XRRA1: variants seen among roughly 807,000 people sequenced by gnomAD.
XRRA1 encodes the protein X-ray radiation resistance-associated protein 1.
A neutral mutation model predicts 80.2 loss-of-function variants in XRRA1; 69 were observed. That is an observed-to-expected ratio of 0.86 (90% CI 0.71 to 1.05). XRRA1 has a LOEUF of 1.05. Among genes scored for constraint, XRRA1 ranks in the 50% least tolerant of loss-of-function variants. The probability of loss-of-function intolerance (pLI) is 0.00; values close to 1 mark genes in which losing one functional copy is unlikely to be tolerated. For missense variants in XRRA1, 967 were observed against 976.4 expected (o/e 0.99, Z 0.13); for synonymous variants, 348 against 389.9 (o/e 0.89, Z 1.27).
intron 1 of XRRA1, 40 bp downstream of exon 1, chr11:74,948,888 G>A (rs2119028): frequency 0.25 from 44,269 of 176,570 alleles, 6,692 homozygotes; most frequent in East Asian, 0.53. Context: ...CACCTGGGCC[G>A]GAGAAAGACT....
Position 74,938,974 on chromosome 11 carries a change from C to T in XRRA1, c.94+1811G>A, listed in dbSNP as rs527873961. The stretch of plus-strand genomic sequence containing the variant: ...TGCAACATCCTATAATGGTTCTTAC[C>T]TACAAAAATTATTACTGTAGTGTTT... On this transcript the variant is annotated intron_variant, in intron 3 of 18. Coordinates refer to ENST00000684022, the MANE Select transcript of XRRA1 (RefSeq NM_001378157.1). Among the ~76,000 whole-genome samples the T allele has an allele frequency of 3.9e-5, 6 of 152,300 alleles. No homozygotes were observed. The South Asian group carries it at 1.2e-3, about 32-fold the overall frequency.
chr11:74,884,997 C>A (rs1177063635), intron 10 of XRRA1, among the ~76,000 whole-genome samples: 1 of 152,176 alleles, frequency 6.6e-6, no homozygotes, highest in African/African-American at 2.4e-5. Flanking sequence ...GATATGGTGG[C>A]TAATGCCTGT....
intron 15 of XRRA1, among the ~76,000 whole-genome samples, chr11:74,846,497 A>G (rs952836409): frequency 5.9e-5 from 9 of 152,224 alleles, no homozygotes; most frequent in African/African-American, 2.2e-4. Context: ...GAAAAATACA[A>G]AGCAGTATCA....
chr11:74,913,237 A>G (rs75293274), intron 8 of XRRA1, among the ~76,000 whole-genome samples: 14,674 of 152,254 alleles, frequency 0.096, 959 homozygotes, highest in Non-Finnish European at 0.13. Flanking sequence ...AGTAAACCAA[A>G]AACAATACTG....
chr11:74,921,838 C>T (rs112864138), intron 7 of XRRA1, among the ~76,000 whole-genome samples: 40 of 152,292 alleles, frequency 2.6e-4, no homozygotes, highest in African/African-American at 9.4e-4. Flanking sequence ...CAGTGCTTGG[C>T]ACACAGTGGT....
intron 10 of XRRA1, among the ~76,000 whole-genome samples, chr11:74,878,630 T>C (rs1195923772): frequency 1.3e-5 from 2 of 149,786 alleles, no homozygotes; most frequent in Non-Finnish European, 3.0e-5. Context: ...CATCTTGAAT[T>C]GATTTTTGTA....
chr11:74,930,388 T>TAA lies in XRRA1; in HGVS notation c.352-17_352-16insTT. ...TTTCCTTGGCCTGTAGGAAAGCATT[T>TAA]CAGAAAAAAAAAAAAATCCACAAGA... On this transcript the variant is annotated splice_polypyrimidine_tract_variant and intron_variant, in intron 5 of 18. Coordinates refer to ENST00000684022, the MANE Select transcript of XRRA1 (RefSeq NM_001378157.1). 1.3e-6 allele frequency: 2 copies of TAA among 1,522,356 alleles called. No individual in the cohort carries two copies. The highest frequency in any genetic ancestry group is 2.9e-5 in the African/African-American group (2 of 69,874). 94.3% of individuals were successfully genotyped at this position (1,522,356 alleles called of 1,614,324 possible).
At chr11:74,914,976 C>T (rs1231425716) in intron 8 of XRRA1, among the ~76,000 whole-genome samples, 1 of 152,172 alleles carries the variant, frequency 6.6e-6, no homozygotes, top group Non-Finnish European at 1.5e-5. Flanking sequence ...TAACTAAGGT[C>T]CTGTGGCCAT....
chr11:74,944,453 C>T (rs1947085537), intron 2 of XRRA1, among the ~76,000 whole-genome samples: 1 of 152,126 alleles, frequency 6.6e-6, no homozygotes, highest in African/African-American at 2.4e-5. Context: ...CCTAACATAA[C>T]AGATGTTATG....
In XRRA1 at chr11:74,841,763, G is replaced by A. The variant is rs776125360; in HGVS notation, c.*1437C>T. On this transcript the variant is annotated 3_prime_UTR_variant, in exon 19 of 19. Transcript: ENST00000684022. ...TTAAGGTAAAACAGGCAATGAACTC[G>A]CTCTTCAAATACCATAGTTCAAGAG... The A allele has an allele frequency of 1.3e-5, 2 of 152,146 alleles. No homozygotes were observed. The highest frequency in any genetic ancestry group is 2.9e-5 in the Non-Finnish European group (2 of 68,040). The allele number at this position is 152,146 out of a possible 1,614,324, so 9.4% of individuals were successfully genotyped here. A position where few individuals can be genotyped will look rare whatever the true frequency, so the allele number is the denominator to read the frequency against.
intron 14 of XRRA1, among the ~76,000 whole-genome samples, chr11:74,850,572 T>C (rs1418191664): frequency 1.3e-5 from 2 of 152,222 alleles, no homozygotes; most frequent in African/African-American, 2.4e-5. Flanking sequence ...ACAGAAATTT[T>C]TGAAATTCTT....
At chr11:74,948,612 T>C (rs978441157) in intron 1 of XRRA1, among the ~76,000 whole-genome samples, 3 of 152,208 alleles carry the variant, frequency 2.0e-5, no homozygotes, top group Non-Finnish European at 2.9e-5. Flanking sequence ...TTCAGATACA[T>C]GCTATCTGGC....
At chr11:74,897,259 C>T (rs553850175) in intron 10 of XRRA1, among the ~76,000 whole-genome samples, 1 of 151,544 alleles carries the variant, frequency 6.6e-6, no homozygotes, top group Non-Finnish European at 1.5e-5. Context: ...CTCTTGAGAG[C>T]AGAAAGGATC....
intron 14 of XRRA1, among the ~76,000 whole-genome samples, chr11:74,849,265 G>A (rs2039159899): frequency 6.6e-6 from 1 of 152,192 alleles, no homozygotes; most frequent in African/African-American, 2.4e-5. Flanking sequence ...TTAGAAAAAT[G>A]TGGGCTAGAA....
chr11:74,851,878 AC>A (rs2039953501), intron 13 of XRRA1, 110 bp downstream of exon 13: 1 of 901,462 alleles, frequency 1.1e-6, no homozygotes, highest in African/African-American at 1.6e-5. Flanking sequence ...AACCTTGTCC[AC>A]CCCGACACAG....
At chr11:74,862,942 C>T in intron 11 of XRRA1, 39 bp downstream of exon 11, 7 of 1,510,950 alleles carry the variant, frequency 4.6e-6, no homozygotes, top group Admixed American at 2.0e-5. Context: ...AATTAATGTT[C>T]TAACTCAGGA....
chr11:74,930,410 A>G (rs2139393443), intron 5 of XRRA1, 38 bp from the exon 6 acceptor site: 1 of 1,474,530 alleles, frequency 6.8e-7, no homozygotes, highest in Non-Finnish European at 9.1e-7. Flanking sequence ...AAAAATCCAC[A>G]AGATTAGTTC....
intron 3 of XRRA1, among the ~76,000 whole-genome samples, chr11:74,939,901 G>C (rs1013639129): frequency 5.9e-5 from 9 of 152,278 alleles, no homozygotes; most frequent in African/African-American, 1.9e-4. Context: ...GCAAGAGAGA[G>C]ACAAAGAGAG....
chr11:74,850,975 T>C (rs1414952417), intron 14 of XRRA1, 113 bp downstream of exon 14: 4 of 665,696 alleles, frequency 6.0e-6, no homozygotes, highest in Non-Finnish European at 7.4e-6. Flanking sequence ...CTGAACCTAA[T>C]GGAGAGATTC....
Sources: gnomAD v4.1 joint callset for allele counts (sites outside exome capture counted in the v4.1 genomes callset) on GRCh38, gnomAD v4.1.1 for gene constraint, MANE v1.5 for transcripts, NCBI Gene and HGNC (gene_info 2026-07-23, HGNC 2026-07-21) for gene names.